The following HIVEP3 variants were observed in gnomAD, a reference collection of about 807,000 sequenced individuals.
The protein encoded by HIVEP3 is HIVEP zinc finger 3, also known as transcription factor HIVEP3.
Under a neutral mutation model 152.8 loss-of-function variants are expected in HIVEP3, and 49 were observed. The ratio of observed to expected loss-of-function variants is 0.32; its 90% CI spans 0.26 to 0.41. The LOEUF is 0.41. Among genes scored for constraint, HIVEP3 ranks in the 10% least tolerant of loss-of-function variants. The pLI is 1.00. For synonymous variants in HIVEP3, 1,269 were observed against 1,289.0 expected (o/e 0.98, Z 0.33); for missense variants, 2,790 against 3,103.3 (o/e 0.90, Z 2.40).
intron 2 of HIVEP3, among the ~76,000 whole-genome samples, chr1:41,680,465 G>A (rs981299185): frequency 6.6e-6 from 1 of 152,196 alleles, no homozygotes; most frequent in African/African-American, 2.4e-5. Flanking sequence ...CCAGCTAGGT[G>A]GGGATCAGCC....
intron 5 of HIVEP3, among the ~76,000 whole-genome samples, chr1:41,552,516 T>C (rs1364413008): frequency 1.6e-4 from 24 of 147,992 alleles, no homozygotes; most frequent in Admixed American, 1.6e-3. Flanking sequence ...TGATTTCCAA[T>C]TTCATCCATG....
chr1:42,006,682 A>G (rs1645461314), intron 1 of HIVEP3, among the ~76,000 whole-genome samples: 1 of 152,032 alleles, frequency 6.6e-6, no homozygotes, highest in African/African-American at 2.4e-5. Flanking sequence ...CCCTGCATTA[A>G]GTTTGTTGCA....
intron 1 of HIVEP3, among the ~76,000 whole-genome samples, chr1:41,937,523 C>T (rs961657068): frequency 3.9e-5 from 6 of 152,110 alleles, no homozygotes; most frequent in Admixed American, 2.0e-4. Flanking sequence ...TGAAATGTGA[C>T]CAGTACAGAA....
At chr1:41,645,179 C>A (rs1478214999) in intron 2 of HIVEP3, among the ~76,000 whole-genome samples, 1 of 152,186 alleles carries the variant, frequency 6.6e-6, no homozygotes, top group African/African-American at 2.4e-5. Flanking sequence ...CGAATCCAGG[C>A]CAGCAGAAGC....
At chr1:41,779,026 C>T (rs1262921629) in intron 1 of HIVEP3, among the ~76,000 whole-genome samples, 1 of 152,170 alleles carries the variant, frequency 6.6e-6, no homozygotes, top group East Asian at 1.9e-4. Flanking sequence ...TACTCCATAC[C>T]TCATACCTTC....
chr1:41,906,308 G>GAA (rs11383763), intron 1 of HIVEP3, among the ~76,000 whole-genome samples: 7 of 142,390 alleles, frequency 4.9e-5, no homozygotes, highest in Admixed American at 2.1e-4. Context: ...GACTCTGTCT[G>GAA]AAAAAAAAAA....
intron 1 of HIVEP3, among the ~76,000 whole-genome samples, chr1:41,995,231 C>T (rs1325160736): frequency 6.6e-6 from 1 of 151,950 alleles, no homozygotes; most frequent in African/African-American, 2.4e-5. Context: ...AGTGAAACTT[C>T]ACAGAATTAT....
chr1:41,536,947 C>T (rs1430181222), intron 5 of HIVEP3, among the ~76,000 whole-genome samples: 1 of 152,188 alleles, frequency 6.6e-6, no homozygotes, highest in Non-Finnish European at 1.5e-5. Context: ...ATGTGCTTAA[C>T]TGCTGTGCAA....
chr1:41,512,847 C>T lies in HIVEP3; in HGVS notation c.6374G>A (p.Ser2125Asn), dbSNP rs1364394011. 3 of 1,535,920 alleles carry T rather than the reference C, an allele frequency of 2.0e-6. No homozygotes were observed. Among genetic ancestry groups the T allele is most frequent in the Non-Finnish European group, 2.6e-6 (3 of 1,136,268 alleles). The change falls in exon 8 of 9, where the codon AGC (serine) becomes AAC (asparagine). Residue 2125 changes from serine to asparagine, a missense_variant. By Grantham distance (46) the Ser-to-Asn change is conservative. This residue lies in a region of HIVEP3 where 816 missense variants were observed against 806.5 expected (regional missense o/e 1.01). Transcript: ENST00000372583. Reference sequence around the variant, plus strand: ...GGAGGCGCAGGTCTCTGGGCTTCTGCTGAGGAGCTTGTGAGGTAGAGGCGC... The same window carrying T: ...GGAGGCGCAGGTCTCTGGGCTTCTGTTGAGGAGCTTGTGAGGTAGAGGCGC... ...PPAPLPHKLL[S>N]RSPETCASPW...
chr1:41,926,958 C>T (rs890078067), intron 1 of HIVEP3, among the ~76,000 whole-genome samples: 1 of 152,128 alleles, frequency 6.6e-6, no homozygotes, highest in African/African-American at 2.4e-5. Context: ...CTTTCTAGCA[C>T]ACTAGAAAGT....
At position 41,581,961 on chromosome 1, in the gene HIVEP3, G is replaced by A. The variant is rs765589513; in HGVS notation, c.2837C>T (p.Ser946Leu). The A allele has an allele frequency of 3.7e-6, 6 of 1,614,080 alleles. No individual in the cohort carries two copies. Among genetic ancestry groups the A allele is most frequent in the Middle Eastern group, 1.6e-4 (1 of 6,084 alleles). Residue 946 changes from serine to leucine, a missense_variant, in exon 4 of 9, where the codon TCA becomes TTA. Coordinates refer to ENST00000372583, the MANE Select transcript of HIVEP3 (RefSeq NM_024503.5). This position sits in a 1 kb window ranked among gnomAD's most constrained non-coding sequence, Gnocchi z 4.5. ...SNVSLSGSSR[S>L]ASFERDDHGK... Reference sequence around the variant, plus strand: ...ATGGTCATCCCTCTCAAACGAGGCTGAGCGGCTGGACCCACTCAAAGAGAC... The same window carrying A: ...ATGGTCATCCCTCTCAAACGAGGCTAAGCGGCTGGACCCACTCAAAGAGAC...
chr1:41,888,164 T>C (rs1644377425), intron 1 of HIVEP3, among the ~76,000 whole-genome samples: 2 of 150,730 alleles, frequency 1.3e-5, no homozygotes, highest in Non-Finnish European at 3.0e-5. Context: ...GCCTCTCAAG[T>C]AGCTGGGACT....
intron 1 of HIVEP3, among the ~76,000 whole-genome samples, chr1:41,794,000 A>C (rs562709958): frequency 2.6e-5 from 4 of 152,266 alleles, no homozygotes; most frequent in Non-Finnish European, 5.9e-5. Flanking sequence ...GATTGTCTCC[A>C]GTCTCTTAAT....
At chr1:41,526,417 C>T (rs1244482021) in intron 5 of HIVEP3, among the ~76,000 whole-genome samples, 5 of 148,052 alleles carry the variant, frequency 3.4e-5, no homozygotes, top group African/African-American at 1.3e-4. Flanking sequence ...CCCACACTCA[C>T]CCTCACACTC....
intron 5 of HIVEP3, among the ~76,000 whole-genome samples, chr1:41,561,309 GA>G (rs1017721578): frequency 6.6e-6 from 1 of 152,146 alleles, no homozygotes; most frequent in African/African-American, 2.4e-5. Flanking sequence ...TTGCAAATGA[GA>G]AAACTGTGAC....
chr1:41,887,504 C>G (rs1644365691), intron 1 of HIVEP3, among the ~76,000 whole-genome samples: 1 of 152,192 alleles, frequency 6.6e-6, no homozygotes, highest in Non-Finnish European at 1.5e-5. Flanking sequence ...AGAACTTGGT[C>G]CCTGACTTTG....
At chr1:41,679,934 CT>C (rs1646012886) in intron 2 of HIVEP3, among the ~76,000 whole-genome samples, 1 of 152,250 alleles carries the variant, frequency 6.6e-6, no homozygotes, top group Non-Finnish European at 1.5e-5. Flanking sequence ...TTAATGAGAA[CT>C]TCAGGTCCAC....
intron 2 of HIVEP3, among the ~76,000 whole-genome samples, chr1:41,659,652 CT>C (rs1645682226): frequency 1.3e-5 from 2 of 152,246 alleles, no homozygotes; most frequent in African/African-American, 4.8e-5. Flanking sequence ...CCTCACAGTG[CT>C]TTGACATTGA....
At chr1:41,711,978 A>G (rs937723600) in intron 1 of HIVEP3, among the ~76,000 whole-genome samples, 12 of 152,252 alleles carry the variant, frequency 7.9e-5, no homozygotes, top group African/African-American at 2.7e-4. Flanking sequence ...GTGCAGGTGC[A>G]GAAACGCCAG....
Sources: allele counts gnomAD v4.1 joint callset (sites outside exome capture counted in the v4.1 genomes callset), GRCh38; gene constraint gnomAD v4.1.1; regional missense constraint gnomAD v4.1.1; non-coding constraint Gnocchi (gnomAD v3.1); transcripts MANE v1.5; gene names NCBI Gene and HGNC (gene_info 2026-07-23, HGNC 2026-07-21).